FNDC3B: variants seen among roughly 807,000 people sequenced by gnomAD.
FNDC3B encodes fibronectin type III domain-containing protein 3B.
A neutral mutation model predicts 151.5 loss-of-function variants in FNDC3B; 12 were observed. The ratio of observed to expected loss-of-function variants is 0.08; its 90% CI spans 0.05 to 0.13. The LOEUF (loss-of-function observed/expected upper bound fraction) is 0.13. Among genes scored for constraint, FNDC3B ranks in the 10% least tolerant of loss-of-function variants. The pLI is 1.00. For missense variants in FNDC3B, 1,214 were observed against 1,505.3 expected (o/e 0.81, Z 3.20); for synonymous variants, 528 against 549.0 (o/e 0.96, Z 0.54).
intron 1 of FNDC3B, among the ~76,000 whole-genome samples, chr3:172,095,867 C>T (rs1253122522): frequency 6.6e-6 from 1 of 151,992 alleles, no homozygotes; most frequent in Non-Finnish European, 1.5e-5. Context: ...CCTTGTTAAC[C>T]TGTTATTTCC....
intron 1 of FNDC3B, among the ~76,000 whole-genome samples, chr3:172,085,809 G>A (rs1718523114): frequency 4.6e-5 from 7 of 152,176 alleles, no homozygotes; most frequent in Admixed American, 4.6e-4. Flanking sequence ...TGAGTCTGGG[G>A]AAAAGTGCTT....
At chr3:172,368,367 A>G (rs963046163) in intron 23 of FNDC3B, among the ~76,000 whole-genome samples, 1 of 152,042 alleles carries the variant, frequency 6.6e-6, no homozygotes, top group African/African-American at 2.4e-5. Flanking sequence ...TCCTGCTTAC[A>G]TTTATCAGAC....
intron 1 of FNDC3B, among the ~76,000 whole-genome samples, chr3:172,043,689 A>G (rs1052636356): frequency 5.3e-5 from 8 of 152,236 alleles, no homozygotes; most frequent in African/African-American, 1.7e-4. Context: ...TTGCTTTCAT[A>G]TGTAGAGTGG....
intron 1 of FNDC3B, among the ~76,000 whole-genome samples, chr3:172,063,252 C>T (rs952329689): frequency 6.6e-6 from 1 of 152,084 alleles, no homozygotes; most frequent in East Asian, 1.9e-4. Flanking sequence ...CCCCACCCAC[C>T]GCCACCAAAA....
At chr3:172,042,086 A>G (rs1716113204) in intron 1 of FNDC3B, among the ~76,000 whole-genome samples, 1 of 152,126 alleles carries the variant, frequency 6.6e-6, no homozygotes, top group Admixed American at 6.5e-5. Context: ...AGATAAAAAA[A>G]ATTCATCTGT....
chr3:172,389,769 G>A (rs1735909759), intron 25 of FNDC3B, among the ~76,000 whole-genome samples: 1 of 152,146 alleles, frequency 6.6e-6, no homozygotes, highest in Admixed American at 6.5e-5. Flanking sequence ...GGGAGGCTGA[G>A]GCAGGAGAAT....
At chr3:172,307,042 G>T (rs3733027) in intron 9 of FNDC3B, 21,320 of 204,596 alleles carry the variant, frequency 0.1, 1,564 homozygotes, top group East Asian at 0.28. Context: ...AGCTCATGGG[G>T]TTTTAGAACA....
At chr3:172,339,290 A>T (rs1180243771) in intron 16 of FNDC3B, among the ~76,000 whole-genome samples, 1 of 151,746 alleles carries the variant, frequency 6.6e-6, no homozygotes, top group Non-Finnish European at 1.5e-5. Flanking sequence ...ACTGCTGGGC[A>T]TGGTGGCTCA....
intron 3 of FNDC3B, chr3:172,134,319 G>C (rs755851490): frequency 1.2e-5 from 6 of 514,128 alleles, no homozygotes; most frequent in Non-Finnish European, 2.3e-5. Context: ...TTCTGTGTAG[G>C]AAGATCAACC....
chr3:172,393,028 C>T (rs141030019), intron 25 of FNDC3B, among the ~76,000 whole-genome samples: 1 of 151,862 alleles, frequency 6.6e-6, no homozygotes, highest in Admixed American at 6.6e-5. Flanking sequence ...GTCTTGAACT[C>T]CTGACCTCAG....
intron 6 of FNDC3B, among the ~76,000 whole-genome samples, chr3:172,283,615 T>G (rs1052442690): frequency 1.3e-5 from 2 of 152,238 alleles, no homozygotes; most frequent in African/African-American, 4.8e-5. Context: ...TGAACATAAC[T>G]ATGTGAGTGT....
chr3:172,223,509 A>G (rs906681944), intron 3 of FNDC3B, among the ~76,000 whole-genome samples: 4 of 152,224 alleles, frequency 2.6e-5, no homozygotes, highest in African/African-American at 9.7e-5. Context: ...CTTGTCCTAC[A>G]TTCTTTAAAG....
At chr3:172,313,388 TGTGAAATG>T (rs1731618723) in intron 11 of FNDC3B, among the ~76,000 whole-genome samples, 1 of 152,366 alleles carries the variant, frequency 6.6e-6, no homozygotes, top group East Asian at 1.9e-4. Context: ...TTTTTCCATC[TGTGAAATG>T]GTGAATAGAT....
At chr3:172,242,349 A>G (rs2108763422) in intron 4 of FNDC3B, among the ~76,000 whole-genome samples, 1 of 152,006 alleles carries the variant, frequency 6.6e-6, no homozygotes, top group Middle Eastern at 3.4e-3. Flanking sequence ...CTGACCCCAC[A>G]TTTCCCTTCT....
chr3:172,209,071 C>G (rs569717075), intron 3 of FNDC3B, among the ~76,000 whole-genome samples: 1 of 151,406 alleles, frequency 6.6e-6, no homozygotes, highest in African/African-American at 2.4e-5. Flanking sequence ...GTTCTGGGCT[C>G]TCAGTAGGGC....
At chr3:172,319,014 C>T (rs985011994) in intron 11 of FNDC3B, among the ~76,000 whole-genome samples, 14 of 152,254 alleles carry the variant, frequency 9.2e-5, no homozygotes, top group Admixed American at 2.0e-4. Flanking sequence ...CAGAGATCCA[C>T]ACACCTGTAG....
intron 11 of FNDC3B, among the ~76,000 whole-genome samples, chr3:172,313,959 C>T (rs1014584101): frequency 6.6e-5 from 10 of 152,126 alleles, no homozygotes; most frequent in African/African-American, 2.4e-4. Flanking sequence ...GTCTTTGGGT[C>T]CCACATTCCT....
At chr3:172,093,216 A>AC (rs112128047) in intron 1 of FNDC3B, among the ~76,000 whole-genome samples, 3,390 of 146,656 alleles carry the variant, frequency 0.023, 120 homozygotes, top group African/African-American at 0.081. Context: ...TGGGTCCTTG[A>AC]CCTCCTGATC....
chr3:172,091,132 G>A (rs970704431), intron 1 of FNDC3B, among the ~76,000 whole-genome samples: 2 of 152,112 alleles, frequency 1.3e-5, no homozygotes, highest in Admixed American at 6.5e-5. Context: ...GACGGGCTTG[G>A]GGAAGTGGAG....
Sources: gnomAD v4.1 joint callset for allele counts (sites outside exome capture counted in the v4.1 genomes callset) on GRCh38, gnomAD v4.1.1 for gene constraint, MANE v1.5 for transcripts, NCBI Gene and HGNC (gene_info 2026-07-23, HGNC 2026-07-21) for gene names.